Variants in ZNF541 observed in about 807,000 individuals in gnomAD.
ZNF541 encodes the protein zinc finger protein 541.
ZNF541 carries 23 observed loss-of-function variants against 123.5 expected under a neutral mutation model. That is an observed-to-expected ratio of 0.19 (90% CI 0.13 to 0.26). The LOEUF (loss-of-function observed/expected upper bound fraction) is 0.26, where lower values mean the gene tolerates loss of function less well. Among genes scored for constraint, ZNF541 ranks in the 10% least tolerant of loss-of-function variants. The probability of loss-of-function intolerance (pLI) is 1.00; values close to 1 mark genes in which losing one functional copy is unlikely to be tolerated. For synonymous variants in ZNF541, 751 were observed against 754.5 expected, an observed-to-expected ratio of 1.00 and a Z score of 0.08; for missense variants, 1,612 against 1,789.9, an observed-to-expected ratio of 0.90 and a Z score of 1.79.
intron 2 of ZNF541, among the ~76,000 whole-genome samples, chr19:47,559,926 T>C (rs900342589): frequency 6.6e-6 from 1 of 150,998 alleles, no homozygotes; most frequent in Non-Finnish European, 1.5e-5. Flanking sequence ...CCCTGCCCCA[T>C]CCCTACTCCC....
rs1426230538 is a variant in ZNF541, at chr19:47,539,759, G to A, written c.2742C>T (p.Val914=). The change falls in exon 8 of 17, where the codon GTC becomes GTT. Residue 914 remains valine (V), a synonymous_variant. Transcript: ENST00000391901. ...CTGGAACCACGGGGATCGATTGGGG[G>A]ACCACCAAAGGGGCTGCAGCTGTGG... ...LDPTAAAPLV[V]PQSIPVVPVT... 6.1e-6 allele frequency: 9 copies of A among 1,464,830 alleles called. No homozygotes were observed. The highest frequency in any genetic ancestry group is 6.3e-6 in the Non-Finnish European group (7 of 1,114,824). 90.7% of individuals were successfully genotyped at this position (1,464,830 alleles called of 1,614,324 possible).
Position 47,533,636 on chromosome 19 carries a change from A to G in ZNF541, c.3095-664T>C, listed in dbSNP as rs188636061. The stretch of plus-strand genomic sequence containing the variant: ...GGTGGGCGGATCACTTGAGGTCAGG[A>G]GTTCAAGACCAGCCTGGCCAACATG... On this transcript the variant is annotated intron_variant, in intron 9 of 16. Transcript: ENST00000391901. Among the ~76,000 whole-genome samples, 559 of 152,120 alleles carry G rather than the reference A, an allele frequency of 3.7e-3. 5 individuals carry two copies. The highest frequency in any genetic ancestry group is 0.013 in the African/African-American group (543 of 41,520).
intron 8 of ZNF541, 29 bp from the exon 9 acceptor site, chr19:47,538,468 G>A (rs556994413): frequency 6.8e-6 from 10 of 1,462,696 alleles, no homozygotes; most frequent in African/African-American, 2.9e-5. Flanking sequence ...ACAGGTGGTC[G>A]CCTGAAGCCA....
rs1030502668 is a variant in ZNF541 at position 47,544,934 on chromosome 19, G to A, written c.1595C>T (p.Ala532Val). Residue 532 changes from alanine (A) to valine (V), a missense_variant, in exon 5 of 17, where the codon GCG becomes GTG. By Grantham distance (64) the Ala-to-Val change is moderately conservative. This residue lies in a region of ZNF541 where 1,080 missense variants were observed against 1,013.8 expected (regional missense o/e 1.07). Transcript: ENST00000391901. Reference sequence around the variant, plus strand: ...CTGGCGGAAGAGCGGCGAGGCATCCGCAGGGAGCCCGCCTGCCTTCTGGGC... The same window carrying A: ...CTGGCGGAAGAGCGGCGAGGCATCCACAGGGAGCCCGCCTGCCTTCTGGGC... Reference protein sequence around the residue: ...QEAQKAGGLPADASPLFRQLF... With the variant: ...QEAQKAGGLPVDASPLFRQLF... 6.5e-6 allele frequency: 10 copies of A among 1,535,428 alleles called. No homozygotes were observed. The Admixed American group carries it at 7.8e-5, about 12-fold the overall frequency.
At chr19:47,533,999 G>T (rs1969702859) in intron 9 of ZNF541, among the ~76,000 whole-genome samples, 2 of 152,174 alleles carry the variant, frequency 1.3e-5, no homozygotes, top group South Asian at 4.1e-4. Context: ...CAGCTCCCAT[G>T]CTTAAAGAAT....
chr19:47,555,412 G>GA, intron 3 of ZNF541, 138 bp downstream of exon 3: 1 of 726,394 alleles, frequency 1.4e-6, no homozygotes, highest in Non-Finnish European at 2.1e-6. Context: ...TCCCAAGTAG[G>GA]AAAAAAGGTG....
At chr19:47,570,341 G>A (rs1971430723) in intron 2 of ZNF541, among the ~76,000 whole-genome samples, 1 of 151,618 alleles carries the variant, frequency 6.6e-6, no homozygotes, top group Non-Finnish European at 1.5e-5. Flanking sequence ...ACTTTGGGAG[G>A]CTGACGCAGG....
At position 47,563,895 on chromosome 19, in the gene ZNF541, C is replaced by A. The variant is rs570728618; in HGVS notation, c.-98-7941G>T. Among the ~76,000 whole-genome samples the A allele has an allele frequency of 1.4e-3, 215 of 152,216 alleles. 3 individuals carry two copies. The highest frequency in any genetic ancestry group is 6.5e-4 in the Non-Finnish European group (44 of 68,018). On this transcript the variant is annotated intron_variant, in intron 2 of 16. Coordinates refer to ENST00000391901, the MANE Select transcript of ZNF541 (RefSeq NM_001277075.3). Reference sequence around the variant, plus strand: ...TGCTGGGATTACAGGCATAAGCCCCCGCGCCTGGCCTAAAAATCGTATTTA... The same window carrying A: ...TGCTGGGATTACAGGCATAAGCCCCAGCGCCTGGCCTAAAAATCGTATTTA...
At chr19:47,556,901 G>T (rs1293610224) in intron 2 of ZNF541, among the ~76,000 whole-genome samples, 1 of 151,516 alleles carries the variant, frequency 6.6e-6, no homozygotes, top group Non-Finnish European at 1.5e-5. Flanking sequence ...GGGACTACAG[G>T]TGCACGCCAC....
intron 5 of ZNF541, among the ~76,000 whole-genome samples, chr19:47,543,760 A>T (rs2123115132): frequency 6.6e-6 from 1 of 151,332 alleles, no homozygotes. Flanking sequence ...CCCCCACCTC[A>T]GCCTCTCGAG....
chr19:47,562,715 A>G (rs1289591809), intron 2 of ZNF541, among the ~76,000 whole-genome samples: 4 of 152,174 alleles, frequency 2.6e-5, no homozygotes, highest in South Asian at 2.1e-4. Flanking sequence ...TCTCACACAA[A>G]TGGAATCAGA....
chr19:47,529,595 C>A lies in ZNF541; in HGVS notation c.3463G>T (p.Ala1155Ser). ...GPHKPRTHLLADYRYTGSDVW... is the reference protein window; with the variant it reads ...GPHKPRTHLLSDYRYTGSDVW... ...CCGTCACCTGTGTAGCGATAGTCAG[C>A]GAGCAGGTGTGTCCGTGGCTTGTGG... The change falls in exon 13 of 17, where the codon GCT becomes TCT. Residue 1155 changes from alanine to serine, a missense_variant. By Grantham distance (99) the Ala-to-Ser change is moderately conservative. Around this residue, in one of 5 missense-constraint regions of ZNF541, gnomAD observed 285 missense variants for 407.3 expected, o/e 0.70. Coordinates refer to ENST00000391901, the MANE Select transcript of ZNF541 (RefSeq NM_001277075.3). 1.3e-6 allele frequency: 2 copies of A among 1,551,630 alleles called. No homozygotes were observed. Among genetic ancestry groups the A allele is most frequent in the South Asian group, 2.4e-5 (2 of 84,054 alleles).
rs542433466 is a variant in ZNF541 at position 47,541,873 on chromosome 19, A to G, written c.2404-922T>C. Among the ~76,000 whole-genome samples, 6 of 152,372 alleles carry G rather than the reference A, an allele frequency of 3.9e-5. No homozygotes were observed. The South Asian group carries it at 1.2e-3, about 32-fold the overall frequency. ...AGACCTAAAACAGAACTGCTGTACG[A>G]CCTGGCGATTCTACTCCTAGAACAT... On this transcript the variant is annotated intron_variant, in intron 5 of 16. Transcript: ENST00000391901.
rs1970323205 is a variant in ZNF541 at position 47,545,731 on chromosome 19, G to A, written c.798C>T (p.Gly266=). ...SLVPPEARSP[G]SLLPHRDLLR... is the part of the protein sequence containing the mutation. ...GGAGGTCCCGGTGGGGCAGGAGGGAGCCGGGGGACCTGGCCTCTGGGGGCA... is the reference window on the plus strand; with the variant it reads ...GGAGGTCCCGGTGGGGCAGGAGGGAACCGGGGGACCTGGCCTCTGGGGGCA... The change falls in exon 5 of 17, where the codon GGC becomes GGT. Residue 266 remains glycine (G), a synonymous_variant. Transcript: ENST00000391901. This position sits in a 1 kb window ranked among gnomAD's most constrained non-coding sequence, Gnocchi z 7.5. 1 of 1,545,496 alleles carries A rather than the reference G, an allele frequency of 6.5e-7. No homozygotes were observed. Among genetic ancestry groups the A allele is most frequent in the Non-Finnish European group, 8.7e-7 (1 of 1,146,586 alleles).
chr19:47,538,381 C>T lies in ZNF541; in HGVS notation c.2855G>A (p.Arg952Gln), dbSNP rs778431189. The change falls in exon 9 of 17, where the codon CGG (arginine) becomes CAG (glutamine). Residue 952 changes from arginine to glutamine, a missense_variant. Around this residue, in one of 5 missense-constraint regions of ZNF541, gnomAD observed 1,080 missense variants for 1,013.8 expected, o/e 1.07. Coordinates refer to ENST00000391901, the MANE Select transcript of ZNF541 (RefSeq NM_001277075.3). ...DSKESSQQRK[R>Q]KKRPPPSTAG... ...CGTGGAGGGTGGGGGCCGCTTCTTCCGCTTTCTCTGCTGGCTGCTCTCCTT... is the reference window on the plus strand; with the variant it reads ...CGTGGAGGGTGGGGGCCGCTTCTTCTGCTTTCTCTGCTGGCTGCTCTCCTT... The T allele has an allele frequency of 2.1e-5, 32 of 1,544,074 alleles. No homozygotes were observed. Among genetic ancestry groups the T allele is most frequent in the Admixed American group, 4.0e-5 (2 of 50,012 alleles).
chr19:47,552,833 G>A (rs1047763892), intron 3 of ZNF541, among the ~76,000 whole-genome samples: 2 of 150,734 alleles, frequency 1.3e-5, no homozygotes, highest in East Asian at 2.0e-4. Flanking sequence ...CAAGGAGGCC[G>A]GGCACGGTGG....
chr19:47,529,553 A>C lies in ZNF541; in HGVS notation c.3481+24T>G, dbSNP rs775992826. On this transcript the variant is annotated intron_variant, in intron 13 of 16. Transcript: ENST00000391901. ...ATAGGGGTCTCAGCTGGGCCAAACCAGCTCAGCAGCCTTTCCCCGTCACCT... is the reference window on the plus strand; with the variant it reads ...ATAGGGGTCTCAGCTGGGCCAAACCCGCTCAGCAGCCTTTCCCCGTCACCT... 2.6e-6 allele frequency: 4 copies of C among 1,551,196 alleles called. No homozygotes were observed. The African/African-American group carries it at 5.5e-5, about 21-fold the overall frequency.
In ZNF541 at chr19:47,521,505, G is replaced by A. The variant is rs750759985; in HGVS notation, c.3861C>T (p.Gly1287=). 2 of 1,551,666 alleles carry A rather than the reference G, an allele frequency of 1.3e-6. No individual in the cohort carries two copies. The highest frequency in any genetic ancestry group is 3.9e-5 in the Admixed American group (2 of 51,002). Reference sequence around the variant, plus strand: ...TTTCACACTCTCTGCATGGAAAAATGCCCTGGCTCTCTGCACTTCCCAACA... The same window carrying A: ...TTTCACACTCTCTGCATGGAAAAATACCCTGGCTCTCTGCACTTCCCAACA... ...PELLGSAESQ[G]IFPCRECERV... Residue 1287 remains glycine, a synonymous_variant, in exon 16 of 17, where the codon GGC becomes GGT. Coordinates refer to ENST00000391901, the MANE Select transcript of ZNF541 (RefSeq NM_001277075.3). The surrounding 1 kb of genome is among the most constrained non-coding windows in gnomAD (Gnocchi z 4.2).
rs1970298318 is a variant in ZNF541, at chr19:47,545,410, C to T, written c.1119G>A (p.Ala373=). The stretch of plus-strand genomic sequence containing the variant: ...CCGCGGTGGACCGGGCCTGGAGCAG[C>T]GCGGTATCTGGCTCCGGCTCTGGCG... ...PDPPEPEPDT[A]LLQARSTAEC... The change falls in exon 5 of 17, where the codon GCG becomes GCA. Residue 373 remains alanine (A), a synonymous_variant. Transcript: ENST00000391901. The surrounding 1 kb of genome is among the most constrained non-coding windows in gnomAD (Gnocchi z 7.5). 1 of 1,497,458 alleles carries T rather than the reference C, an allele frequency of 6.7e-7. No homozygotes were observed. The highest frequency in any genetic ancestry group is 1.4e-5 in the African/African-American group (1 of 71,284). 92.8% of individuals were successfully genotyped at this position (1,497,458 alleles called of 1,614,324 possible). A position where few individuals can be genotyped will look rare whatever the true frequency, so the allele number is the denominator to read the frequency against.
Sources: gnomAD v4.1 joint callset for allele counts (sites outside exome capture counted in the v4.1 genomes callset) on GRCh38, gnomAD v4.1.1 for gene constraint, gnomAD v4.1.1 regional missense constraint, Gnocchi (gnomAD v3.1) non-coding constraint, MANE v1.5 for transcripts, NCBI Gene and HGNC (gene_info 2026-07-23, HGNC 2026-07-21) for gene names.